The following NTM variants were observed in gnomAD, a reference collection of about 807,000 sequenced individuals.
The protein encoded by NTM is IgLON family member 2.
A neutral mutation model predicts 42.1 loss-of-function variants in NTM; 13 were observed. The observed-to-expected ratio is 0.31, with a 90% confidence interval of 0.20 to 0.49. The LOEUF (loss-of-function observed/expected upper bound fraction) is 0.49, where lower values mean the gene tolerates loss of function less well. Among genes scored for constraint, NTM ranks in the 20% least tolerant of loss-of-function variants. The probability of loss-of-function intolerance (pLI) is 0.99; values close to 1 mark genes in which losing one functional copy is unlikely to be tolerated. For synonymous variants in NTM, 187 were observed against 179.2 expected, an observed-to-expected ratio of 1.04 and a Z score of -0.35; for missense variants, 373 against 452.8, an observed-to-expected ratio of 0.82 and a Z score of 1.60.
intron 3 of NTM, among the ~76,000 whole-genome samples, chr11:132,195,811 G>T (rs1385972232): frequency 1.3e-5 from 2 of 152,074 alleles, no homozygotes; most frequent in Non-Finnish European, 2.9e-5. Context: ...AACTCAAGAT[G>T]GATTATATGC....
chr11:131,546,986 ACTG>A (rs1422112892), intron 1 of NTM, among the ~76,000 whole-genome samples: 2 of 151,892 alleles, frequency 1.3e-5, no homozygotes, highest in Admixed American at 1.3e-4. Context: ...CCTCTGAGTT[ACTG>A]TTCTATGGTG....
intron 1 of NTM, among the ~76,000 whole-genome samples, chr11:131,552,303 G>A (rs1565630639): frequency 6.6e-6 from 1 of 152,208 alleles, no homozygotes; most frequent in Non-Finnish European, 1.5e-5. Context: ...GATGCTGTCA[G>A]TTTGGAAAAC....
At chr11:132,073,094 G>A (rs142307493) in intron 2 of NTM, among the ~76,000 whole-genome samples, 81 of 152,268 alleles carry the variant, frequency 5.3e-4, no homozygotes, top group African/African-American at 1.9e-3. Flanking sequence ...TGTCCTGTGG[G>A]CTGCTGGGGC....
chr11:131,913,805 CAG>C (rs1374258898), intron 2 of NTM, among the ~76,000 whole-genome samples: 2 of 152,184 alleles, frequency 1.3e-5, no homozygotes, highest in Non-Finnish European at 2.9e-5. Flanking sequence ...GTGCCAGCCT[CAG>C]GGGCTGAATG....
intron 3 of NTM, among the ~76,000 whole-genome samples, chr11:132,199,393 G>C (rs962603493): frequency 1.3e-4 from 20 of 152,270 alleles, no homozygotes; most frequent in African/African-American, 4.1e-4. Context: ...TCTGTAATTG[G>C]ACATATTTTG....
At chr11:132,119,965 T>C (rs992590399) in intron 2 of NTM, among the ~76,000 whole-genome samples, 1 of 152,192 alleles carries the variant, frequency 6.6e-6, no homozygotes, top group Non-Finnish European at 1.5e-5. Flanking sequence ...TGTTCTGGTG[T>C]AAAAAGCCCC....
At chr11:131,800,239 A>C (rs1357255899) in intron 1 of NTM, among the ~76,000 whole-genome samples, 1 of 152,230 alleles carries the variant, frequency 6.6e-6, no homozygotes, top group Non-Finnish European at 1.5e-5. Context: ...TGCAATCCCC[A>C]TTGTCTCATC....
At chr11:131,465,781 G>A (rs1951824164) in intron 1 of NTM, among the ~76,000 whole-genome samples, 1 of 152,186 alleles carries the variant, frequency 6.6e-6, no homozygotes, top group Non-Finnish European at 1.5e-5. Flanking sequence ...CATTCCCAAA[G>A]CTCGGTTCTG....
chr11:131,683,389 C>A (rs2073310888), intron 1 of NTM, among the ~76,000 whole-genome samples: 1 of 152,208 alleles, frequency 6.6e-6, no homozygotes, highest in African/African-American at 2.4e-5. Context: ...CAACCTCTGC[C>A]CTCCAGCTCT....
At chr11:131,413,372 C>T (rs1415982678) in intron 1 of NTM, among the ~76,000 whole-genome samples, 1 of 152,200 alleles carries the variant, frequency 6.6e-6, no homozygotes, top group African/African-American at 2.4e-5. Context: ...TCTGGAGCGC[C>T]AGCCCACCCA....
Position 132,335,362 on chromosome 11 carries a change from A to T in NTM, c.*216A>T, listed in dbSNP as rs1438634788. ...ATTGAAAATTGCCTTGCAGATATTT[A>T]GGTACAATGGAGTTTTCTTTTCCCA... On this transcript the variant is annotated 3_prime_UTR_variant, in exon 9 of 9. Coordinates refer to ENST00000683400, the MANE Select transcript of NTM (RefSeq NM_001352005.2). 5.3e-6 allele frequency: 3 copies of T among 563,342 alleles called. No individual in the cohort carries two copies. Among genetic ancestry groups the T allele is most frequent in the Non-Finnish European group, 9.3e-6 (3 of 322,972 alleles). The allele number at this position is 563,342 out of a possible 1,614,324, so 34.9% of individuals were successfully genotyped here. A position where few individuals can be genotyped will look rare whatever the true frequency, so the allele number is the denominator to read the frequency against.
intron 7 of NTM, among the ~76,000 whole-genome samples, chr11:132,321,429 A>G (rs993226813): frequency 6.6e-6 from 1 of 152,174 alleles, no homozygotes; most frequent in South Asian, 2.1e-4. Context: ...GGGTATCAGC[A>G]ATGGAAGATG....
intron 7 of NTM, among the ~76,000 whole-genome samples, chr11:132,320,457 C>G (rs113747875): frequency 2.0e-5 from 3 of 152,174 alleles, no homozygotes; most frequent in Non-Finnish European, 4.4e-5. Context: ...CCGAATACTG[C>G]GCTTTTCCGA....
At chr11:131,816,772 T>G (rs1201233059) in intron 1 of NTM, among the ~76,000 whole-genome samples, 2 of 152,124 alleles carry the variant, frequency 1.3e-5, no homozygotes. Context: ...AATTGGGCTA[T>G]TCATCATTTG....
rs374394980 is a variant in NTM, at chr11:131,503,844, G to C, written c.82+132956G>C. ...CATTTAAACTTAAGCTAAGTGGCAG[G>C]GTTGTGCGTGTTTCTTTAATCCATT... On this transcript the variant is annotated intron_variant, in intron 1 of 8. Coordinates refer to ENST00000683400, the MANE Select transcript of NTM (RefSeq NM_001352005.2). Among the ~76,000 whole-genome samples the C allele has an allele frequency of 1.2e-4, 19 of 152,248 alleles. 1 individual carries two copies. Among genetic ancestry groups the C allele is most frequent in the East Asian group, 9.7e-4 (5 of 5,170 alleles).
chr11:131,665,713 A>C (rs1418824714), intron 1 of NTM, among the ~76,000 whole-genome samples: 1 of 152,208 alleles, frequency 6.6e-6, no homozygotes, highest in African/African-American at 2.4e-5. Flanking sequence ...CAAACTAACA[A>C]AGTCACAAAA....
Position 131,673,504 on chromosome 11 carries a change from T to A in NTM, c.83-238060T>A, listed in dbSNP as rs73031932. On this transcript the variant is annotated intron_variant, in intron 1 of 8. Coordinates refer to ENST00000683400, the MANE Select transcript of NTM (RefSeq NM_001352005.2). ...TTCAGTGTGTGTGTCTTTCTTCTTA[T>A]CTCTTCATCATCTGGGTCACCTGCC... Among the ~76,000 whole-genome samples the A allele has an allele frequency of 1.5e-3, 226 of 152,314 alleles. 1 individual carries two copies. Among genetic ancestry groups the A allele is most frequent in the Non-Finnish European group, 2.7e-3 (187 of 68,024 alleles).
intron 4 of NTM, among the ~76,000 whole-genome samples, chr11:132,245,485 G>A (rs532841329): frequency 6.6e-6 from 1 of 152,216 alleles, no homozygotes; most frequent in African/African-American, 2.4e-5. Context: ...CATAATATTA[G>A]AAAGAGCAAG....
chr11:131,924,908 C>A (rs1045143132), intron 2 of NTM, among the ~76,000 whole-genome samples: 1 of 152,168 alleles, frequency 6.6e-6, no homozygotes, highest in Non-Finnish European at 1.5e-5. Flanking sequence ...GTTTCTGAAT[C>A]CAGACCTAAG....
Sources: gnomAD v4.1 joint callset for allele counts (sites outside exome capture counted in the v4.1 genomes callset) on GRCh38, gnomAD v4.1.1 for gene constraint, MANE v1.5 for transcripts, NCBI Gene and HGNC (gene_info 2026-07-23, HGNC 2026-07-21) for gene names.